The following PPEF2 variants were observed in gnomAD, a reference collection of about 807,000 sequenced individuals.
PPEF2 encodes serine/threonine-protein phosphatase with EF-hands 2.
Under a neutral mutation model 84.7 loss-of-function variants are expected in PPEF2, and 84 were observed. The observed-to-expected ratio is 0.99, with a 90% CI of 0.83 to 1.19. The LOEUF (loss-of-function observed/expected upper bound fraction) is 1.19. PPEF2 is among the 50% of genes most tolerant of loss of function. The pLI, the probability that PPEF2 is intolerant of heterozygous loss-of-function variation, is 0.00. For missense variants in PPEF2, 924 were observed against 937.5 expected (o/e 0.99, Z 0.19); for synonymous variants, 346 against 345.2 (o/e 1.00, Z -0.03).
intron 16 of PPEF2, among the ~76,000 whole-genome samples, chr4:75,861,802 G>A (rs1417110801): frequency 7.1e-6 from 1 of 140,156 alleles, no homozygotes. Context: ...GTAGAGACGG[G>A]GTTTCACCAT....
intron 13 of PPEF2, among the ~76,000 whole-genome samples, chr4:75,869,741 G>A (rs1724223635): frequency 6.6e-6 from 1 of 152,162 alleles, no homozygotes; most frequent in East Asian, 1.9e-4. Flanking sequence ...CCAGGTGTGA[G>A]GTAGCTGAAG....
At chr4:75,880,967 T>C (rs549191902) in intron 10 of PPEF2, among the ~76,000 whole-genome samples, 2 of 151,468 alleles carry the variant, frequency 1.3e-5, no homozygotes, top group African/African-American at 4.8e-5. Flanking sequence ...GCCCGGCTAA[T>C]TTTTTTGTAT....
At chr4:75,895,419 ACT>A (rs1258226520) in intron 2 of PPEF2, among the ~76,000 whole-genome samples, 2 of 143,626 alleles carry the variant, frequency 1.4e-5, no homozygotes, top group Non-Finnish European at 1.5e-5. Flanking sequence ...ACAGAGGGAA[ACT>A]CGGTCTCAAA....
chr4:75,892,032 G>A (rs1724903366), intron 2 of PPEF2, 54 bp from the exon 3 acceptor site: 2 of 1,596,420 alleles, frequency 1.3e-6, no homozygotes, highest in Admixed American at 3.4e-5. Context: ...TGGGCCAGGG[G>A]TTTGGGGGTA....
chr4:75,867,542 G>T, intron 13 of PPEF2, 123 bp from the exon 14 acceptor site: 1 of 652,982 alleles, frequency 1.5e-6, no homozygotes, highest in African/African-American at 1.8e-5. Context: ...CAGTTTTCGA[G>T]GGAGAGCGCC....
intron 13 of PPEF2, among the ~76,000 whole-genome samples, chr4:75,870,522 C>A (rs185073040): frequency 3.9e-5 from 6 of 152,286 alleles, no homozygotes. Context: ...TAATTTCTAA[C>A]TCTGTTAGGC....
At chr4:75,894,745 G>A (rs894310971) in intron 2 of PPEF2, among the ~76,000 whole-genome samples, 9 of 152,198 alleles carry the variant, frequency 5.9e-5, no homozygotes, top group African/African-American at 1.4e-4. Context: ...TGTACCTTGC[G>A]TGATCTAATA....
rs1724078930 is a variant in PPEF2 at position 75,864,429 on chromosome 4, A to T, written c.2008+11T>A. On this transcript the variant is annotated intron_variant, in intron 16 of 16. Coordinates refer to ENST00000286719, the MANE Select transcript of PPEF2 (RefSeq NM_006239.3). ...GTGCTTCAAAAGTGATAGAATAATG[A>T]GTGCCTTTACCTGAATGATCACTGT... 1.3e-6 allele frequency: 2 copies of T among 1,570,478 alleles called. No homozygotes were observed. Among genetic ancestry groups the T allele is most frequent in the African/African-American group, 2.7e-5 (2 of 73,958 alleles).
chr4:75,873,793 A>C (rs1724342606), intron 11 of PPEF2, among the ~76,000 whole-genome samples: 1 of 151,836 alleles, frequency 6.6e-6, no homozygotes, highest in East Asian at 1.9e-4. Context: ...GTAGTTTAAG[A>C]ATTTTTTTTT....
At chr4:75,860,959 A>G (rs576546499) in intron 16 of PPEF2, 39 bp from the exon 17 acceptor site, 1 of 1,599,054 alleles carries the variant, frequency 6.3e-7, no homozygotes, top group East Asian at 2.2e-5. Context: ...GAGTTAGTCT[A>G]GTTTTTAATG....
Position 75,866,245 on chromosome 4 carries a change from T to A in PPEF2, c.1864A>T (p.Met622Leu), listed in dbSNP as rs979600978. The change falls in exon 15 of 17, where the codon ATG becomes TTG. Residue 622 changes from methionine to leucine, a missense_variant. Transcript: ENST00000286719. ...PQLVNSSADN[M>L]LEYKSWLKNL... ...TTCAGCCAAGACTTGTACTCCAGCA[T>A]GTTGTCTGCTGAGCTGTTCACCAGC... 4.3e-6 allele frequency: 7 copies of A among 1,614,048 alleles called. No individual in the cohort carries two copies. Among genetic ancestry groups the A allele is most frequent in the East Asian group, 2.2e-5 (1 of 44,902 alleles).
chr4:75,863,851 A>T lies in PPEF2; in HGVS notation c.2008+589T>A, dbSNP rs145707483. 1.1e-4 allele frequency among the ~76,000 whole-genome samples: 17 copies of T among 151,538 alleles called. No homozygotes were observed. In the East Asian group the frequency reaches 2.9e-3, roughly 26 times the overall value. ...GCTATCTTCGATGGTAATATAAAGG[A>T]TATCACATCTTTCTTTCTTTCTTCT... On this transcript the variant is annotated intron_variant, in intron 16 of 16. Coordinates refer to ENST00000286719, the MANE Select transcript of PPEF2 (RefSeq NM_006239.3).
chr4:75,887,616 G>A (rs1337148833), intron 6 of PPEF2, among the ~76,000 whole-genome samples: 2 of 68,030 alleles, frequency 2.9e-5, no homozygotes, highest in African/African-American at 9.1e-5. Flanking sequence ...GCGGGACTGT[G>A]TCTCAAAAAA....
At chr4:75,895,962 C>T (rs1725000698) in intron 2 of PPEF2, among the ~76,000 whole-genome samples, 1 of 152,138 alleles carries the variant, frequency 6.6e-6, no homozygotes, top group Admixed American at 6.5e-5. Context: ...TGGACGTGCT[C>T]TACCCTCTGC....
intron 11 of PPEF2, among the ~76,000 whole-genome samples, chr4:75,873,690 G>A (rs894683238): frequency 2.0e-5 from 3 of 152,194 alleles, no homozygotes; most frequent in Admixed American, 6.5e-5. Context: ...AAGAGAAGGC[G>A]CAAGTCCTGG....
chr4:75,887,304 AT>A (rs1192209301), intron 6 of PPEF2, among the ~76,000 whole-genome samples: 1 of 152,198 alleles, frequency 6.6e-6, no homozygotes, highest in Non-Finnish European at 1.5e-5. Flanking sequence ...AATCCTCCAA[AT>A]TTCCAATGTT....
chr4:75,891,629 T>C lies in PPEF2; in HGVS notation c.241+19A>G. The C allele has an allele frequency of 6.3e-7, 1 of 1,595,058 alleles. No individual in the cohort carries two copies. Among genetic ancestry groups the C allele is most frequent in the Non-Finnish European group, 8.5e-7 (1 of 1,172,296 alleles). On this transcript the variant is annotated intron_variant, in intron 4 of 16. Coordinates refer to ENST00000286719, the MANE Select transcript of PPEF2 (RefSeq NM_006239.3). ...GGCCTTGCGACAGGAGGACATGACA[T>C]GTGGCAGTTCATACTCACTGTCGTT...
intron 15 of PPEF2, among the ~76,000 whole-genome samples, chr4:75,864,818 T>C (rs1441054686): frequency 6.6e-6 from 1 of 152,178 alleles, no homozygotes; most frequent in Non-Finnish European, 1.5e-5. Context: ...TTTTGGATTT[T>C]TTCGGACATT....
At chr4:75,895,795 A>C (rs1724996706) in intron 2 of PPEF2, among the ~76,000 whole-genome samples, 1 of 151,926 alleles carries the variant, frequency 6.6e-6, no homozygotes, top group Admixed American at 6.5e-5. Flanking sequence ...GCTGGTTTCA[A>C]ACTCCTGGGC....
Sources: gnomAD v4.1 joint callset for allele counts (sites outside exome capture counted in the v4.1 genomes callset) on GRCh38, gnomAD v4.1.1 for gene constraint, MANE v1.5 for transcripts, NCBI Gene and HGNC (gene_info 2026-07-23, HGNC 2026-07-21) for gene names.